Variants in LHFPL4 observed in about 807,000 individuals in gnomAD.
LHFPL4 encodes LHFPL tetraspan subfamily member 4.
In LHFPL4, 6 loss-of-function variants were observed where a neutral mutation model predicts 20.0. The ratio of observed to expected loss-of-function variants is 0.30; its 90% CI spans 0.16 to 0.59. The LOEUF (loss-of-function observed/expected upper bound fraction) is 0.59, where lower values mean the gene tolerates loss of function less well. Among genes scored for constraint, LHFPL4 ranks in the 20% least tolerant of loss-of-function variants. LHFPL4 has a pLI of 0.88. For missense variants in LHFPL4, 215 were observed against 331.2 expected (o/e 0.65, Z 2.72); for synonymous variants, 129 against 143.8 (o/e 0.90, Z 0.74).
intron 2 of LHFPL4, among the ~76,000 whole-genome samples, chr3:9,508,950 C>G (rs766447694): frequency 3.5e-4 from 54 of 152,208 alleles, no homozygotes; most frequent in Non-Finnish European, 7.1e-4. Flanking sequence ...TTTGCCACCT[C>G]TCTGGTCGTC....
chr3:9,522,543 C>T lies in LHFPL4; in HGVS notation c.407-16340G>A, dbSNP rs966687242. Among the ~76,000 whole-genome samples the T allele has an allele frequency of 4.1e-5, 6 of 147,812 alleles. No homozygotes were observed. In the Admixed American group the frequency reaches 4.1e-4, roughly 10 times the overall value. ...TCACCTAAGGTCAGGAGTTCGAGAC[C>T]AGGCTGGCCAACATGATGAAGCCTT... is the stretch of plus-strand genomic sequence containing the variant. On this transcript the variant is annotated intron_variant, in intron 2 of 3. Transcript: ENST00000287585.
At chr3:9,543,051 A>G (rs2542343) in intron 2 of LHFPL4, among the ~76,000 whole-genome samples, 6,498 of 152,244 alleles carry the variant, frequency 0.043, 180 homozygotes, top group Non-Finnish European at 0.062. Flanking sequence ...AAACCATGTA[A>G]TAGTTCACTT....
chr3:9,510,473 T>C (rs1238142487), intron 2 of LHFPL4, among the ~76,000 whole-genome samples: 2 of 150,000 alleles, frequency 1.3e-5, no homozygotes, highest in Non-Finnish European at 2.9e-5. Flanking sequence ...TAGGGGATTA[T>C]CCCTGGCTGA....
chr3:9,533,977 G>A (rs1318240853), intron 2 of LHFPL4, among the ~76,000 whole-genome samples: 1 of 151,884 alleles, frequency 6.6e-6, no homozygotes, highest in African/African-American at 2.4e-5. Flanking sequence ...ACTCTGGGAG[G>A]CTGAGGCAGG....
Position 9,509,182 on chromosome 3 carries a change from T to C in LHFPL4, c.407-2979A>G, listed in dbSNP as rs954687579. Among the ~76,000 whole-genome samples, 48 of 152,108 alleles carry C rather than the reference T, an allele frequency of 3.2e-4. 1 individual carries two copies. Among genetic ancestry groups the C allele is most frequent in the African/African-American group, 1.1e-3 (47 of 41,460 alleles). ...TGCACGTTTTTTCTGCCTCTGTCTC[T>C]CTCTTTCATTCTGTGTCTCCATTCC... On this transcript the variant is annotated intron_variant, in intron 2 of 3. Coordinates refer to ENST00000287585, the MANE Select transcript of LHFPL4 (RefSeq NM_198560.3).
At chr3:9,523,512 C>T (rs953656791) in intron 2 of LHFPL4, among the ~76,000 whole-genome samples, 5 of 150,668 alleles carry the variant, frequency 3.3e-5, no homozygotes, top group Middle Eastern at 3.2e-3. Flanking sequence ...TCACTCTGTC[C>T]GCCAGGCTGG....
intron 2 of LHFPL4, among the ~76,000 whole-genome samples, chr3:9,536,420 T>TCCTA (rs2046445188): frequency 1.3e-5 from 2 of 152,102 alleles, no homozygotes; most frequent in African/African-American, 4.8e-5. Context: ...CTGGGAGGTA[T>TCCTA]CCTAGATCCT....
intron 2 of LHFPL4, among the ~76,000 whole-genome samples, chr3:9,539,031 C>T (rs1032271167): frequency 6.6e-6 from 1 of 152,170 alleles, no homozygotes; most frequent in Non-Finnish European, 1.5e-5. Context: ...CTAAACTGTG[C>T]TGCCTCCAAA....
intron 2 of LHFPL4, among the ~76,000 whole-genome samples, chr3:9,536,703 T>C (rs1222311584): frequency 6.6e-6 from 1 of 152,118 alleles, no homozygotes; most frequent in African/African-American, 2.4e-5. Context: ...GGCTCATGCC[T>C]GTAATCCTAG....
chr3:9,529,035 CT>C (rs142620234), intron 2 of LHFPL4, among the ~76,000 whole-genome samples: 47,097 of 144,298 alleles, frequency 0.33, 7,784 homozygotes, highest in Non-Finnish European at 0.38. Context: ...CACCAATGTT[CT>C]TTTTTTTTTT....
intron 2 of LHFPL4, among the ~76,000 whole-genome samples, chr3:9,508,289 G>A (rs989060130): frequency 6.6e-6 from 1 of 152,002 alleles, no homozygotes; most frequent in African/African-American, 2.4e-5. Flanking sequence ...TCCTCTTCCA[G>A]ATGCAGGCTC....
At chr3:9,524,320 T>G (rs2046360208) in intron 2 of LHFPL4, among the ~76,000 whole-genome samples, 1 of 152,140 alleles carries the variant, frequency 6.6e-6, no homozygotes, top group African/African-American at 2.4e-5. Flanking sequence ...CAGTCATTAT[T>G]ATTCCAAAAG....
intron 2 of LHFPL4, among the ~76,000 whole-genome samples, chr3:9,532,972 G>A (rs1574849920): frequency 1.3e-5 from 2 of 152,330 alleles, no homozygotes; most frequent in Non-Finnish European, 1.5e-5. Context: ...GGCCCTGGAG[G>A]ACAGTGCGGG....
chr3:9,549,725 C>T (rs887064326), intron 2 of LHFPL4, among the ~76,000 whole-genome samples: 6 of 152,138 alleles, frequency 3.9e-5, no homozygotes, highest in African/African-American at 1.4e-4. Context: ...TTAACAGGTA[C>T]AAAATCATAT....
intron 2 of LHFPL4, among the ~76,000 whole-genome samples, chr3:9,537,855 T>G (rs1270561609): frequency 6.6e-6 from 1 of 152,090 alleles, no homozygotes; most frequent in African/African-American, 2.4e-5. Flanking sequence ...CAATGATGCC[T>G]CAAATCGCCA....
At chr3:9,542,806 CAAAA>C (rs148495276) in intron 2 of LHFPL4, among the ~76,000 whole-genome samples, 1 of 78,460 alleles carries the variant, frequency 1.3e-5, no homozygotes. Context: ...GGCCCTATCT[CAAAA>C]AAAAAAAAAA....
chr3:9,528,087 T>G (rs1005048575), intron 2 of LHFPL4, among the ~76,000 whole-genome samples: 1 of 152,212 alleles, frequency 6.6e-6, no homozygotes, highest in Non-Finnish European at 1.5e-5. Context: ...CAAGTTGCAA[T>G]GAAGGTTTGA....
chr3:9,550,025 C>A (rs1241605768), intron 2 of LHFPL4, among the ~76,000 whole-genome samples: 1 of 152,146 alleles, frequency 6.6e-6, no homozygotes, highest in Non-Finnish European at 1.5e-5. Flanking sequence ...AGCCACCATG[C>A]CTGGCCAAGA....
intron 2 of LHFPL4, among the ~76,000 whole-genome samples, chr3:9,508,229 C>G (rs1574837746): frequency 6.6e-6 from 1 of 152,172 alleles, no homozygotes; most frequent in African/African-American, 2.4e-5. Context: ...TCCTTCTCAT[C>G]GTGGCACTGC....
Sources: allele counts gnomAD v4.1 joint callset (sites outside exome capture counted in the v4.1 genomes callset), GRCh38; gene constraint gnomAD v4.1.1; transcripts MANE v1.5; gene names NCBI Gene and HGNC (gene_info 2026-07-23, HGNC 2026-07-21).